ATXN1: variants seen among roughly 807,000 people sequenced by gnomAD.
ATXN1 encodes ataxin-1.
A neutral mutation model predicts 56.4 loss-of-function variants in ATXN1; 8 were observed. That is an observed-to-expected ratio of 0.14 (90% CI 0.08 to 0.26). The LOEUF is 0.26. Ranked by LOEUF, ATXN1 falls within the 10% of genes least tolerant of loss-of-function variation. ATXN1 has a pLI of 1.00. For synonymous variants in ATXN1, 514 were observed against 494.6 expected, an observed-to-expected ratio of 1.04 and a Z score of -0.52; for missense variants, 987 against 1,106.5, an observed-to-expected ratio of 0.89 and a Z score of 1.53.
At chr6:16,600,026 C>G (rs1187020767) in intron 3 of ATXN1, among the ~76,000 whole-genome samples, 1 of 152,160 alleles carries the variant, frequency 6.6e-6, no homozygotes, top group Non-Finnish European at 1.5e-5. Context: ...TGGTTCATTG[C>G]GTCTTTTTTC....
intron 3 of ATXN1, among the ~76,000 whole-genome samples, chr6:16,651,413 G>A (rs1422775332): frequency 1.3e-5 from 2 of 152,034 alleles, no homozygotes; most frequent in Non-Finnish European, 2.9e-5. Context: ...GTGTGGTGGT[G>A]CGCACCTGTA....
intron 6 of ATXN1, among the ~76,000 whole-genome samples, chr6:16,469,128 G>T (rs1394458265): frequency 6.6e-6 from 1 of 152,170 alleles, no homozygotes; most frequent in Non-Finnish European, 1.5e-5. Context: ...GAATAAATGA[G>T]TGAAATGAAT....
At chr6:16,623,698 A>C (rs1234525465) in intron 3 of ATXN1, among the ~76,000 whole-genome samples, 1 of 152,220 alleles carries the variant, frequency 6.6e-6, no homozygotes, top group Admixed American at 6.5e-5. Flanking sequence ...TTCTGTTCCC[A>C]TTTAGTTCAT....
intron 6 of ATXN1, among the ~76,000 whole-genome samples, chr6:16,359,246 C>T (rs1242458696): frequency 6.6e-6 from 1 of 152,162 alleles, no homozygotes; most frequent in Non-Finnish European, 1.5e-5. Flanking sequence ...GGCCTGAAGG[C>T]TGGGGGCCGG....
intron 2 of ATXN1, among the ~76,000 whole-genome samples, chr6:16,681,585 A>G (rs923885155): frequency 5.3e-5 from 8 of 152,232 alleles, no homozygotes; most frequent in Non-Finnish European, 1.0e-4. Context: ...ACTTCAATAC[A>G]TCAAAGACGC....
chr6:16,331,119 G>A (rs1200389683), intron 6 of ATXN1, among the ~76,000 whole-genome samples: 1 of 152,102 alleles, frequency 6.6e-6, no homozygotes, highest in Non-Finnish European at 1.5e-5. Context: ...TCCTGCCTCA[G>A]CCTCCTGAGT....
chr6:16,461,858 A>G (rs567700281), intron 6 of ATXN1, among the ~76,000 whole-genome samples: 7 of 152,256 alleles, frequency 4.6e-5, no homozygotes, highest in African/African-American at 1.4e-4. Flanking sequence ...GCACTTAAGG[A>G]AACGAACACA....
chr6:16,373,823 T>C (rs1173269265), intron 6 of ATXN1, among the ~76,000 whole-genome samples: 1 of 152,196 alleles, frequency 6.6e-6, no homozygotes, highest in African/African-American at 2.4e-5. Flanking sequence ...CTTTATAAAT[T>C]ACCTAGGCTT....
intron 4 of ATXN1, among the ~76,000 whole-genome samples, chr6:16,529,704 T>A (rs918878460): frequency 3.3e-5 from 5 of 151,154 alleles, no homozygotes; most frequent in African/African-American, 1.2e-4. Context: ...TCGGATAAAT[T>A]TATCCACAGT....
intron 7 of ATXN1, among the ~76,000 whole-genome samples, chr6:16,323,501 G>C (rs1760729599): frequency 7.2e-6 from 1 of 138,720 alleles, no homozygotes; most frequent in South Asian, 2.3e-4. Flanking sequence ...CTCCAGCCTG[G>C]GTGACAGAGC....
At chr6:16,596,252 C>A (rs186286118) in intron 3 of ATXN1, among the ~76,000 whole-genome samples, 1 of 152,134 alleles carries the variant, frequency 6.6e-6, no homozygotes, top group Non-Finnish European at 1.5e-5. Flanking sequence ...TCATCTTGGC[C>A]TCCCAAAGTG....
chr6:16,346,512 T>C (rs1198758362), intron 6 of ATXN1, among the ~76,000 whole-genome samples: 2 of 152,236 alleles, frequency 1.3e-5, no homozygotes, highest in Non-Finnish European at 2.9e-5. Context: ...GCTCCCTCTT[T>C]GCATTTAGAA....
intron 2 of ATXN1, among the ~76,000 whole-genome samples, chr6:16,660,831 G>GT (rs1491535308): frequency 7.6e-6 from 1 of 131,198 alleles, no homozygotes; most frequent in African/African-American, 3.1e-5. Flanking sequence ...ATTTTGTTTT[G>GT]GTTTTTTTTT....
Position 16,306,744 on chromosome 6 carries a change from A to G in ATXN1, c.2033T>C (p.Val678Ala), listed in dbSNP as rs759871622. Reference sequence around the variant, plus strand: ...GGTAAGCGAGATGCAGACATCCCCAACTGAGAGTTTGGAACACGGCAAATC... The same window carrying G: ...GGTAAGCGAGATGCAGACATCCCCAGCTGAGAGTTTGGAACACGGCAAATC... ...LFDLPCSKLS[V>A]GDVCISLTLK... Residue 678 changes from valine (V) to alanine (A), a missense_variant, in exon 8 of 8, where the codon GTT becomes GCT. Val to Ala is a moderately conservative substitution (Grantham distance 64, BLOSUM62 0). This residue lies in a region of ATXN1 where 196 missense variants were observed against 196.7 expected (regional missense o/e 1.00). Coordinates refer to ENST00000436367, the MANE Select transcript of ATXN1 (RefSeq NM_001128164.2). The surrounding 1 kb of genome is among the most constrained non-coding windows in gnomAD (Gnocchi z 5.2). The G allele has an allele frequency of 2.7e-5, 44 of 1,614,052 alleles. No individual in the cohort carries two copies. Among genetic ancestry groups the G allele is most frequent in the Non-Finnish European group, 3.1e-5 (36 of 1,179,964 alleles).
Position 16,326,659 on chromosome 6 carries a change from T to C in ATXN1, c.1652A>G (p.Gln551Arg), listed in dbSNP as rs777902226. The C allele has an allele frequency of 6.2e-7, 1 of 1,613,602 alleles. No individual in the cohort carries two copies. The highest frequency in any genetic ancestry group is 8.5e-7 in the Non-Finnish European group (1 of 1,180,030). ...GGACTGCACCACAGGCAGGTGGATCTGGGCCTGCACCATGGCTGGGTAGGC... is the reference window on the plus strand; with the variant it reads ...GGACTGCACCACAGGCAGGTGGATCCGGGCCTGCACCATGGCTGGGTAGGC... ...QAAYPAMVQA[Q>R]IHLPVVQSVA... Residue 551 changes from glutamine to arginine, a missense_variant, in exon 7 of 8, where the codon CAG (glutamine) becomes CGG (arginine). Around this residue, in one of 3 missense-constraint regions of ATXN1, gnomAD observed 723 missense variants for 791.7 expected, o/e 0.91. Coordinates refer to ENST00000436367, the MANE Select transcript of ATXN1 (RefSeq NM_001128164.2). The surrounding 1 kb of genome is among the most constrained non-coding windows in gnomAD (Gnocchi z 6.6).
intron 6 of ATXN1, among the ~76,000 whole-genome samples, chr6:16,473,389 T>C (rs1760260760): frequency 6.6e-6 from 1 of 152,186 alleles, no homozygotes; most frequent in Admixed American, 6.5e-5. Flanking sequence ...TATTTTTGCC[T>C]TTTGAAAGAG....
chr6:16,750,522 C>G (rs1760678651), intron 2 of ATXN1, among the ~76,000 whole-genome samples: 1 of 152,150 alleles, frequency 6.6e-6, no homozygotes, highest in Non-Finnish European at 1.5e-5. Flanking sequence ...TGTAATGAGG[C>G]CATTATTGAT....
chr6:16,309,229 A>T (rs1760329708), intron 7 of ATXN1, among the ~76,000 whole-genome samples: 1 of 141,030 alleles, frequency 7.1e-6, no homozygotes, highest in African/African-American at 2.6e-5. Context: ...CTCTGTCTCT[A>T]AAAAAAAAAA....
intron 6 of ATXN1, among the ~76,000 whole-genome samples, chr6:16,375,162 C>A (rs1313498635): frequency 6.6e-6 from 1 of 152,136 alleles, no homozygotes; most frequent in South Asian, 2.1e-4. Flanking sequence ...GACCCTATCG[C>A]CGCATCAAAA....
Sources: gnomAD v4.1 joint callset for allele counts (sites outside exome capture counted in the v4.1 genomes callset) on GRCh38, gnomAD v4.1.1 for gene constraint, gnomAD v4.1.1 regional missense constraint, Gnocchi (gnomAD v3.1) non-coding constraint, MANE v1.5 for transcripts, NCBI Gene and HGNC (gene_info 2026-07-23, HGNC 2026-07-21) for gene names.